The following TENM3 variants were observed in gnomAD, a reference collection of about 807,000 sequenced individuals.
The protein encoded by TENM3 is teneurin transmembrane protein 3, also known as teneurin-3.
Under a neutral mutation model 255.1 loss-of-function variants are expected in TENM3, and 63 were observed. The observed-to-expected ratio is 0.25, with a 90% confidence interval of 0.20 to 0.30. The LOEUF (loss-of-function observed/expected upper bound fraction) is 0.30. Among genes scored for constraint, TENM3 ranks in the 10% least tolerant of loss-of-function variants. TENM3 has a pLI of 1.00. For synonymous variants in TENM3, 1,306 were observed against 1,322.3 expected (o/e 0.99, Z 0.27); for missense variants, 2,929 against 3,461.1 (o/e 0.85, Z 3.86).
chr4:181,713,842 T>C, the TENM3 span, among the ~76,000 whole-genome samples: 1 of 152,236 alleles, frequency 6.6e-6, no homozygotes, highest in African/African-American at 2.4e-5. Context: ...ATACTTCATT[T>C]TTATTTCTAA....
the TENM3 span, among the ~76,000 whole-genome samples, chr4:181,854,382 G>T: frequency 2.6e-5 from 4 of 152,030 alleles, no homozygotes; most frequent in Non-Finnish European, 5.9e-5. Context: ...AAGAACACTG[G>T]GCTACCACAC....
intron 19 of TENM3, among the ~76,000 whole-genome samples, chr4:182,749,053 C>T (rs141800098): frequency 6.6e-6 from 1 of 152,076 alleles, no homozygotes; most frequent in Non-Finnish European, 1.5e-5. Context: ...AATGTCCATT[C>T]GTTTTTGCAC....
At chr4:181,927,188 C>G in the TENM3 span, among the ~76,000 whole-genome samples, 1 of 152,144 alleles carries the variant, frequency 6.6e-6, no homozygotes, top group African/African-American at 2.4e-5. Flanking sequence ...GAAAAGGGAC[C>G]GAGTCCAGGG....
At chr4:182,785,757 T>C (rs1287620653) in intron 24 of TENM3, among the ~76,000 whole-genome samples, 2 of 139,330 alleles carry the variant, frequency 1.4e-5, no homozygotes, top group Admixed American at 1.4e-4. Context: ...GGAATAATGC[T>C]GGTACTTTAT....
chr4:182,795,423 TACAC>T (rs570297851), intron 26 of TENM3, among the ~76,000 whole-genome samples: 202 of 152,290 alleles, frequency 1.3e-3, no homozygotes, highest in Non-Finnish European at 2.3e-3. Context: ...CACTCTTACA[TACAC>T]ACAAATTGTG....
intron 1 of TENM3, among the ~76,000 whole-genome samples, chr4:182,148,328 C>A (rs762141183): frequency 1.4e-4 from 22 of 152,056 alleles, no homozygotes; most frequent in Non-Finnish European, 2.5e-4. Context: ...TGTTTCCAAA[C>A]GAGTGTGATG....
intron 1 of TENM3, among the ~76,000 whole-genome samples, chr4:182,235,547 C>G (rs1756841467): frequency 6.6e-6 from 1 of 152,184 alleles, no homozygotes; most frequent in Admixed American, 6.5e-5. Flanking sequence ...AGAGAGCAAA[C>G]AGCAAGCTGG....
chr4:182,353,378 G>T (rs1765308195), intron 3 of TENM3, among the ~76,000 whole-genome samples: 1 of 152,002 alleles, frequency 6.6e-6, no homozygotes, highest in African/African-American at 2.4e-5. Context: ...GTCATTTCTG[G>T]CATGGTCTCC....
intron 3 of TENM3, among the ~76,000 whole-genome samples, chr4:182,503,429 G>A (rs1338791723): frequency 1.3e-5 from 2 of 152,122 alleles, no homozygotes; most frequent in Non-Finnish European, 2.9e-5. Flanking sequence ...GCTTATTTGT[G>A]TGTATAGGTT....
At chr4:182,468,108 C>T (rs1226069771) in intron 3 of TENM3, among the ~76,000 whole-genome samples, 5 of 152,016 alleles carry the variant, frequency 3.3e-5, no homozygotes, top group African/African-American at 9.7e-5. Flanking sequence ...TGTTTTAGGC[C>T]GGGCCTGGTG....
chr4:181,607,552 T>A, the TENM3 span, among the ~76,000 whole-genome samples: 1 of 151,972 alleles, frequency 6.6e-6, no homozygotes, highest in African/African-American at 2.4e-5. Context: ...GTAGCTGAGA[T>A]TACCATGCCC....
chr4:182,569,584 G>T (rs1744160769), intron 3 of TENM3, among the ~76,000 whole-genome samples: 2 of 151,708 alleles, frequency 1.3e-5, no homozygotes, highest in Non-Finnish European at 2.9e-5. Flanking sequence ...AGAAAGAAAG[G>T]AAAGTAGGGT....
the TENM3 span, among the ~76,000 whole-genome samples, chr4:181,605,478 CAGAGAAAGAAAGAA>C: frequency 1.4e-5 from 1 of 72,874 alleles, no homozygotes; most frequent in African/African-American, 5.7e-5. Context: ...GAGAGAGAAA[CAGAGAAAGAAAGAA>C]AGAAAGAAAG....
At chr4:181,715,439 A>G in the TENM3 span, among the ~76,000 whole-genome samples, 218 of 152,330 alleles carry the variant, frequency 1.4e-3, no homozygotes, top group Non-Finnish European at 2.3e-3. Context: ...ATAAATGCAT[A>G]TGTAAATACT....
chr4:182,127,725 CTT>C, the TENM3 span, among the ~76,000 whole-genome samples: 14 of 152,072 alleles, frequency 9.2e-5, no homozygotes, highest in Non-Finnish European at 1.8e-4. Flanking sequence ...CTGAAAGACT[CTT>C]TTTCAAAAAT....
chr4:182,326,118 C>A (rs1273854339), intron 2 of TENM3, among the ~76,000 whole-genome samples: 3 of 152,198 alleles, frequency 2.0e-5, no homozygotes, highest in Admixed American at 2.0e-4. Context: ...GCCAGGGAGG[C>A]CTTGTTGGAG....
the TENM3 span, among the ~76,000 whole-genome samples, chr4:181,819,332 T>G: frequency 2.6e-5 from 4 of 152,052 alleles, no homozygotes; most frequent in Non-Finnish European, 5.9e-5. Context: ...AACAAGTTAA[T>G]TAGAAGTTCC....
At chr4:181,895,330 G>A in the TENM3 span, among the ~76,000 whole-genome samples, 3 of 151,782 alleles carry the variant, frequency 2.0e-5, no homozygotes, top group East Asian at 1.9e-4. Context: ...CGTTCCATGA[G>A]GCAAACAATA....
intron 3 of TENM3, among the ~76,000 whole-genome samples, chr4:182,436,689 C>T (rs1208491966): frequency 2.0e-5 from 3 of 152,178 alleles, no homozygotes; most frequent in African/African-American, 7.2e-5. Context: ...GTCACACACA[C>T]CTTGTTACCT....
Sources: allele counts gnomAD v4.1 joint callset (sites outside exome capture counted in the v4.1 genomes callset), GRCh38; gene constraint gnomAD v4.1.1; transcripts MANE v1.5; gene names NCBI Gene and HGNC (gene_info 2026-07-23, HGNC 2026-07-21).